SCN8A: variants seen among roughly 807,000 people sequenced by gnomAD.
SCN8A encodes sodium channel protein type 8 subunit alpha.
Under a neutral mutation model 184.1 loss-of-function variants are expected in SCN8A, and 30 were observed. The observed-to-expected ratio is 0.16, with a 90% CI of 0.12 to 0.22. SCN8A has a LOEUF of 0.22. SCN8A is among the 10% of genes least tolerant of loss of function. The probability of loss-of-function intolerance (pLI) is 1.00; values close to 1 mark genes in which losing one functional copy is unlikely to be tolerated. For missense variants in SCN8A, 1,057 were observed against 2,498.9 expected (o/e 0.42, Z 12.30); for synonymous variants, 852 against 907.0 (o/e 0.94, Z 1.09).
intron 6 of SCN8A, among the ~76,000 whole-genome samples, chr12:51,695,869 A>G (rs2138728403): frequency 6.6e-6 from 1 of 152,318 alleles, no homozygotes; most frequent in South Asian, 2.1e-4. Flanking sequence ...AACTACTGAG[A>G]GAAGGTGACC....
chr12:51,792,536 A>G (rs908628069), intron 25 of SCN8A, among the ~76,000 whole-genome samples: 4 of 151,204 alleles, frequency 2.6e-5, no homozygotes, highest in African/African-American at 9.7e-5. Context: ...GAGCTGGGGA[A>G]AGAGATTCCT....
At chr12:51,764,988 C>T (rs1942816229) in intron 15 of SCN8A, among the ~76,000 whole-genome samples, 1 of 151,908 alleles carries the variant, frequency 6.6e-6, no homozygotes, top group Non-Finnish European at 1.5e-5. Context: ...GTTGGCCAGG[C>T]TGGTCTCGAA....
At chr12:51,771,842 C>CGAGT (rs886216462) in intron 19 of SCN8A, among the ~76,000 whole-genome samples, 10 of 152,124 alleles carry the variant, frequency 6.6e-5, no homozygotes, top group African/African-American at 2.2e-4. Context: ...CAGACTAAGC[C>CGAGT]GAGTGATTGG....
At chr12:51,667,314 CTGT>C (rs1489812073) in intron 2 of SCN8A, among the ~76,000 whole-genome samples, 1 of 151,668 alleles carries the variant, frequency 6.6e-6, no homozygotes, top group East Asian at 1.9e-4. Context: ...TGTTTTTTTC[CTGT>C]TGTTTTCTTA....
intron 25 of SCN8A, 125 bp downstream of exon 25, chr12:51,790,627 A>G: frequency 1.6e-6 from 1 of 628,926 alleles, no homozygotes; most frequent in Non-Finnish European, 2.8e-6. Context: ...TCTCCTCACC[A>G]CCCATCCAAA....
At chr12:51,801,644 G>A (rs914343885) in intron 26 of SCN8A, among the ~76,000 whole-genome samples, 2 of 152,186 alleles carry the variant, frequency 1.3e-5, no homozygotes, top group African/African-American at 4.8e-5. Flanking sequence ...TCCCTGCTTA[G>A]TGGGCCCATA....
intron 14 of SCN8A, among the ~76,000 whole-genome samples, chr12:51,759,754 A>G (rs1207951665): frequency 1.3e-5 from 2 of 152,234 alleles, no homozygotes; most frequent in Non-Finnish European, 2.9e-5. Flanking sequence ...CAGGAGAACA[A>G]CACTGTCTAA....
intron 1 of SCN8A, among the ~76,000 whole-genome samples, chr12:51,616,021 C>G (rs753098034): frequency 4.6e-5 from 7 of 152,120 alleles, no homozygotes; most frequent in Non-Finnish European, 7.4e-5. Context: ...CGTGAGCCAC[C>G]ACAGTTGGCC....
chr12:51,678,847 G>C (rs1043002731), intron 2 of SCN8A, among the ~76,000 whole-genome samples: 1 of 152,206 alleles, frequency 6.6e-6, no homozygotes, highest in Non-Finnish European at 1.5e-5. Flanking sequence ...GGAGGCTGAG[G>C]CAGGTGGATC....
intron 26 of SCN8A, among the ~76,000 whole-genome samples, chr12:51,803,886 C>G (rs1165927344): frequency 6.6e-6 from 1 of 152,182 alleles, no homozygotes. Context: ...CTGAACTTAC[C>G]GCATCTTGTC....
chr12:51,703,485 T>C (rs1273936186), intron 9 of SCN8A, among the ~76,000 whole-genome samples: 1 of 152,208 alleles, frequency 6.6e-6, no homozygotes, highest in Non-Finnish European at 1.5e-5. Flanking sequence ...CAAGGCACTA[T>C]ATAGATGGAA....
intron 8 of SCN8A, among the ~76,000 whole-genome samples, chr12:51,702,298 G>A (rs1344396993): frequency 1.3e-5 from 2 of 148,710 alleles, no homozygotes; most frequent in Admixed American, 6.7e-5. Flanking sequence ...CTCTAGCCTG[G>A]GCAACAGAGC....
At chr12:51,764,005 G>A (rs990408468) in intron 15 of SCN8A, among the ~76,000 whole-genome samples, 1 of 152,166 alleles carries the variant, frequency 6.6e-6, no homozygotes, top group Non-Finnish European at 1.5e-5. Context: ...TTAGGATCCA[G>A]TCCACAGTGG....
Position 51,696,868 on chromosome 12 carries a change from T to TA in SCN8A, c.707-2690dup, listed in dbSNP as rs113239134. On this transcript the variant is annotated intron_variant, in intron 6 of 26. Coordinates refer to ENST00000627620, the MANE Select transcript of SCN8A (RefSeq NM_001330260.2). ...CAATATAGTGAAACCCCATCTCTGC[T>TA]AAAAAAAAAAAATACAAAATTTAGC... Among the ~76,000 whole-genome samples, 214 of 142,744 alleles carry TA rather than the reference T, an allele frequency of 1.5e-3. No homozygotes were observed. In the Middle Eastern group the frequency reaches 0.018, roughly 12 times the overall value. The allele number at this position is 142,744 out of a possible 152,430, so 93.6% of individuals were successfully genotyped here.
intron 6 of SCN8A, among the ~76,000 whole-genome samples, chr12:51,694,108 T>G (rs1941555798): frequency 6.6e-6 from 1 of 152,130 alleles, no homozygotes; most frequent in Admixed American, 6.5e-5. Flanking sequence ...AATTTTTGTA[T>G]TTTTAGTAGA....
intron 1 of SCN8A, among the ~76,000 whole-genome samples, chr12:51,658,605 A>C (rs935514802): frequency 2.6e-5 from 4 of 152,178 alleles, no homozygotes; most frequent in African/African-American, 9.6e-5. Flanking sequence ...TGAAACATCT[A>C]GAATAGATAA....
In SCN8A at chr12:51,751,504, A is replaced by G. The variant is rs544063018; in HGVS notation, c.2281A>G (p.Ile761Val). 1.2e-5 allele frequency: 20 copies of G among 1,613,916 alleles called. 1 individual carries two copies. The East Asian group carries it at 3.6e-4, about 29-fold the overall frequency. Residue 761 changes from isoleucine (I) to valine (V), a missense_variant, in exon 14 of 27, where the codon ATC becomes GTC. Transcript: ENST00000627620. The stretch of plus-strand genomic sequence containing the variant: ...CCCTTTTGTGGATTTAGCCATCACC[A>G]TCTGCATCGTCCTGAATACACTGTT... The part of the protein sequence containing the change: ...MDPFVDLAIT[I>V]CIVLNTLFMA...
chr12:51,807,416 A>C lies in SCN8A; in HGVS notation c.5930A>C (p.Glu1977Ala). ...GCCAAAAGACAAAAAGAGGTCAGAG[A>C]ATCCAAGTGTTAGAGGAGAACAAAA... ...ERAKRQKEVRESKC is the reference protein window; with the variant it reads ...ERAKRQKEVRASKC Residue 1977 changes from glutamate (E) to alanine (A), a missense_variant, in exon 27 of 27, where the codon GAA (glutamate) becomes GCA (alanine). This residue lies in a region of SCN8A where 95 missense variants were observed against 140.2 expected (regional missense o/e 0.68). Coordinates refer to ENST00000627620, the MANE Select transcript of SCN8A (RefSeq NM_001330260.2). This position sits in a 1 kb window ranked among gnomAD's most constrained non-coding sequence, Gnocchi z 4.5. The C allele has an allele frequency of 6.2e-7, 1 of 1,610,060 alleles. No individual in the cohort carries two copies. Among genetic ancestry groups the C allele is most frequent in the Non-Finnish European group, 8.5e-7 (1 of 1,177,856 alleles).
chr12:51,807,515 A>G lies in SCN8A; in HGVS notation c.*86A>G. ...AACTTCCTGAATATTATCAATGCAG[A>G]ACAGCTGTGGAGACTCTAACCTGAA... On this transcript the variant is annotated 3_prime_UTR_variant, in exon 27 of 27. Coordinates refer to ENST00000627620, the MANE Select transcript of SCN8A (RefSeq NM_001330260.2). The surrounding 1 kb of genome is among the most constrained non-coding windows in gnomAD (Gnocchi z 4.5). The G allele has an allele frequency of 7.3e-7, 1 of 1,364,912 alleles. No homozygotes were observed. The highest frequency in any genetic ancestry group is 1.0e-6 in the Non-Finnish European group (1 of 981,212). 84.6% of individuals were successfully genotyped at this position (1,364,912 alleles called of 1,614,324 possible).
Sources: gnomAD v4.1 joint callset for allele counts (sites outside exome capture counted in the v4.1 genomes callset) on GRCh38, gnomAD v4.1.1 for gene constraint, gnomAD v4.1.1 regional missense constraint, Gnocchi (gnomAD v3.1) non-coding constraint, MANE v1.5 for transcripts, NCBI Gene and HGNC (gene_info 2026-07-23, HGNC 2026-07-21) for gene names.